The following SMPD3 variants were observed in gnomAD, a reference collection of about 807,000 sequenced individuals.
SMPD3 encodes sphingomyelin phosphodiesterase 3.
A neutral mutation model predicts 55.7 loss-of-function variants in SMPD3; 21 were observed. The ratio of observed to expected loss-of-function variants is 0.38; its 90% confidence interval spans 0.27 to 0.54. The LOEUF (loss-of-function observed/expected upper bound fraction) is 0.54. Ranked by LOEUF, SMPD3 falls within the 20% of genes least tolerant of loss-of-function variation. The pLI is 0.80. For missense variants in SMPD3, 842 were observed against 899.6 expected, an observed-to-expected ratio of 0.94 and a Z score of 0.82; for synonymous variants, 457 against 404.3, an observed-to-expected ratio of 1.13 and a Z score of -1.56.
At chr16:68,376,184 C>G (rs2089808021) in intron 2 of SMPD3, among the ~76,000 whole-genome samples, 1 of 152,280 alleles carries the variant, frequency 6.6e-6, no homozygotes, top group Admixed American at 6.5e-5. Flanking sequence ...TACAGTTAAA[C>G]ATTAGAGGCT....
intron 1 of SMPD3, among the ~76,000 whole-genome samples, chr16:68,411,494 G>A (rs530768717): frequency 6.6e-6 from 1 of 152,316 alleles, no homozygotes; most frequent in East Asian, 1.9e-4. Flanking sequence ...GCAGGCATGG[G>A]TGGAGGCTGG....
chr16:68,440,997 G>A (rs2090561305), intron 1 of SMPD3, among the ~76,000 whole-genome samples: 1 of 152,154 alleles, frequency 6.6e-6, no homozygotes. Flanking sequence ...GAAAATAGGG[G>A]CCGCATACTT....
At chr16:68,386,240 A>G (rs1005275869) in intron 2 of SMPD3, among the ~76,000 whole-genome samples, 1 of 151,796 alleles carries the variant, frequency 6.6e-6, no homozygotes, top group Non-Finnish European at 1.5e-5. Context: ...AGTTTTTGAT[A>G]GTTTAGTGGG....
intron 1 of SMPD3, among the ~76,000 whole-genome samples, chr16:68,421,429 C>T (rs1000734853): frequency 6.6e-6 from 1 of 152,188 alleles, no homozygotes; most frequent in Non-Finnish European, 1.5e-5. Flanking sequence ...TTTGGAATGA[C>T]AGCACAGGAA....
Position 68,372,066 on chromosome 16 carries a change from A to G in SMPD3, c.116T>C (p.Ile39Thr). The part of the protein sequence containing the change: ...WLVDRLAASF[I>T]PTTYEKRQRA... ...CTGGCGCTTCTCGTAGGTGGTGGGT[A>G]TGAAGGAGGCAGCGAGCCGGTCCAC... The change falls in exon 3 of 9, where the codon ATA (isoleucine) becomes ACA (threonine). Residue 39 changes from isoleucine to threonine, a missense_variant. Transcript: ENST00000219334. The G allele has an allele frequency of 6.2e-7, 1 of 1,608,042 alleles. No individual in the cohort carries two copies. Among genetic ancestry groups the G allele is most frequent in the African/African-American group, 1.3e-5 (1 of 75,022 alleles).
chr16:68,379,849 G>A (rs1295643944), intron 2 of SMPD3, among the ~76,000 whole-genome samples: 2 of 152,234 alleles, frequency 1.3e-5, no homozygotes, highest in Non-Finnish European at 2.9e-5. Context: ...TTTCCCTGGC[G>A]AAGTCAGAAA....
Position 68,358,657 on chromosome 16 carries a change from GT to G in SMPD3, c.*2548del, listed in dbSNP as rs1216038799. ...ATTAATATACTTAAAACTTAAGGTG[GT>G]TTTGGACAAATGAAAATGAACATTT... On this transcript the variant is annotated 3_prime_UTR_variant, in exon 9 of 9. Transcript: ENST00000219334. 1.3e-5 allele frequency: 2 copies of G among 152,640 alleles called. No individual in the cohort carries two copies. The highest frequency in any genetic ancestry group is 2.4e-5 in the African/African-American group (1 of 41,454). The allele number at this position is 152,640 out of a possible 1,614,324, so 9.5% of individuals were successfully genotyped here. A position where few individuals can be genotyped will look rare whatever the true frequency, so the allele number is the denominator to read the frequency against.
intron 2 of SMPD3, among the ~76,000 whole-genome samples, chr16:68,374,802 G>A (rs1055132296): frequency 2.0e-5 from 3 of 152,186 alleles, no homozygotes; most frequent in African/African-American, 7.2e-5. Context: ...ATCCACAGGA[G>A]GGGACACAGA....
In SMPD3 at chr16:68,412,442, C is replaced by A. The variant is rs78284976; in HGVS notation, c.-268-25783G>T. On this transcript the variant is annotated intron_variant, in intron 1 of 8. Transcript: ENST00000219334. ...CCAACAGATTTCCAGCCACACCTAT[C>A]TCCCAAAACATAGCTGGTGAATCCA... Among the ~76,000 whole-genome samples, 3 of 152,312 alleles carry A rather than the reference C, an allele frequency of 2.0e-5. No individual in the cohort carries two copies. In the East Asian group the frequency reaches 5.8e-4, roughly 29 times the overall value.
chr16:68,360,945 G>GTAGAT lies in SMPD3; in HGVS notation c.*256_*260dup. On this transcript the variant is annotated 3_prime_UTR_variant, in exon 9 of 9. Coordinates refer to ENST00000219334, the MANE Select transcript of SMPD3 (RefSeq NM_018667.4). ...CACGGGTTACAAACTCGGTTGTGCTGTAGATTTGTAGAAAATCGTGTTGTG... is the reference window on the plus strand; with the variant it reads ...CACGGGTTACAAACTCGGTTGTGCTGTAGATTAGATTTGTAGAAAATCGTGTTGTG... 1 of 486,408 alleles carries GTAGAT rather than the reference G, an allele frequency of 2.1e-6. No homozygotes were observed. The highest frequency in any genetic ancestry group is 2.7e-5 in the South Asian group (1 of 37,262). The allele number at this position is 486,408 out of a possible 1,614,324, so 30.1% of individuals were successfully genotyped here.
chr16:68,415,531 G>A (rs559044775), intron 1 of SMPD3, among the ~76,000 whole-genome samples: 1 of 152,276 alleles, frequency 6.6e-6, no homozygotes, highest in East Asian at 1.9e-4. Flanking sequence ...ATCTGTCTAC[G>A]GAAACGTTAA....
At chr16:68,374,127 A>G (rs1313220443) in intron 2 of SMPD3, among the ~76,000 whole-genome samples, 4 of 152,218 alleles carry the variant, frequency 2.6e-5, no homozygotes, top group Non-Finnish European at 4.4e-5. Flanking sequence ...GGGGCGCCCT[A>G]GAGTCCCAGG....
chr16:68,382,906 A>ATC (rs2089978748), intron 2 of SMPD3, among the ~76,000 whole-genome samples: 1 of 152,132 alleles, frequency 6.6e-6, no homozygotes, highest in Admixed American at 6.5e-5. Context: ...CAATGGTGCA[A>ATC]TCTCTGCTCA....
intron 2 of SMPD3, among the ~76,000 whole-genome samples, chr16:68,375,196 G>A (rs16957865): frequency 0.031 from 4,673 of 151,938 alleles, 229 homozygotes; most frequent in African/African-American, 0.1. Flanking sequence ...AGACACAGCC[G>A]ATTCTCTCTC....
chr16:68,401,834 T>C (rs983639057), intron 1 of SMPD3, among the ~76,000 whole-genome samples: 1 of 152,166 alleles, frequency 6.6e-6, no homozygotes, highest in African/African-American at 2.4e-5. Context: ...ACATGCCAAA[T>C]GGCTAAGAGG....
intron 7 of SMPD3, 86 bp from the exon 8 acceptor site, chr16:68,361,845 C>G (rs2089287933): frequency 1.2e-5 from 17 of 1,471,052 alleles, no homozygotes; most frequent in Non-Finnish European, 1.6e-5. Context: ...ATGGTCTCCT[C>G]CCAGTGTGGG....
At chr16:68,367,910 C>A (rs2151978467) in intron 3 of SMPD3, 1 of 152,356 alleles carries the variant, frequency 6.6e-6, no homozygotes, top group East Asian at 1.9e-4. Context: ...GGATTCCAGT[C>A]CCTTCCTTCA....
In SMPD3 at chr16:68,371,821, C is replaced by G; in HGVS notation, c.361G>C (p.Gly121Arg). 3 of 1,605,680 alleles carry G rather than the reference C, an allele frequency of 1.9e-6. No individual in the cohort carries two copies. The highest frequency in any genetic ancestry group is 2.5e-6 in the Non-Finnish European group (3 of 1,176,742). ...GCAGTGGCAAAGCAGAAGCTTTTGC[C>G]AGGCCCCGTGCCCTTCCATTCACTG... ...LLSEWKGTGP[G>R]KSFCFATANV... The change falls in exon 3 of 9, where the codon GGC becomes CGC. Residue 121 changes from glycine (G) to arginine (R), a missense_variant. Around this residue, in one of 2 missense-constraint regions of SMPD3, gnomAD observed 193 missense variants for 256.0 expected, o/e 0.75. Transcript: ENST00000219334.
chr16:68,397,624 T>A (rs1319034619), intron 1 of SMPD3, among the ~76,000 whole-genome samples: 1 of 152,192 alleles, frequency 6.6e-6, no homozygotes. Flanking sequence ...ATCTGCCTCC[T>A]CTCCTGTCGC....
Sources: gnomAD v4.1 joint callset for allele counts (sites outside exome capture counted in the v4.1 genomes callset) on GRCh38, gnomAD v4.1.1 for gene constraint, gnomAD v4.1.1 regional missense constraint, MANE v1.5 for transcripts, NCBI Gene and HGNC (gene_info 2026-07-23, HGNC 2026-07-21) for gene names.